Variants in MAGI1 observed in about 807,000 individuals in gnomAD.
MAGI1 encodes membrane associated guanylate kinase, WW and PDZ domain containing 1.
MAGI1 carries 58 observed loss-of-function variants against 139.9 expected under a neutral mutation model. That is an observed-to-expected ratio of 0.41 (90% CI 0.34 to 0.52). MAGI1 has a LOEUF of 0.52. Among genes scored for constraint, MAGI1 ranks in the 20% least tolerant of loss-of-function variants. The pLI, the probability that MAGI1 is intolerant of heterozygous loss-of-function variation, is 0.12. For synonymous variants in MAGI1, 812 were observed against 737.9 expected (o/e 1.10, Z -1.63); for missense variants, 1,874 against 1,901.6 (o/e 0.99, Z 0.27).
chr3:65,487,001 C>G (rs1431080480), intron 3 of MAGI1, among the ~76,000 whole-genome samples: 2 of 152,212 alleles, frequency 1.3e-5, no homozygotes, highest in Non-Finnish European at 2.9e-5. Context: ...ACAAATTCAG[C>G]TTTTCACATA....
intron 1 of MAGI1, among the ~76,000 whole-genome samples, chr3:65,877,307 A>G (rs574773923): frequency 6.6e-6 from 1 of 152,206 alleles, no homozygotes; most frequent in African/African-American, 2.4e-5. Flanking sequence ...ACAAGGTACA[A>G]CTCCCTCTTT....
chr3:65,574,208 G>A (rs57213374), intron 2 of MAGI1, among the ~76,000 whole-genome samples: 2,275 of 149,752 alleles, frequency 0.015, 47 homozygotes, highest in African/African-American at 0.047. Flanking sequence ...TTTAGGTTCC[G>A]GGATACATGT....
chr3:66,036,488 C>T (rs1281406789), intron 1 of MAGI1, among the ~76,000 whole-genome samples: 1 of 152,080 alleles, frequency 6.6e-6, no homozygotes, highest in African/African-American at 2.4e-5. Flanking sequence ...TTAAAGGAGC[C>T]CAAAGGAGGA....
intron 1 of MAGI1, among the ~76,000 whole-genome samples, chr3:65,839,009 CTG>C (rs1274718148): frequency 1.3e-5 from 2 of 152,206 alleles, no homozygotes. Flanking sequence ...TACTTGCCAT[CTG>C]TGTTGTCTTT....
chr3:65,503,788 G>T (rs990270347), intron 2 of MAGI1, among the ~76,000 whole-genome samples: 17 of 152,176 alleles, frequency 1.1e-4, no homozygotes, highest in African/African-American at 4.1e-4. Flanking sequence ...ATCTGATCTG[G>T]TTTTCATGAT....
chr3:65,787,781 G>A (rs1332662612), intron 1 of MAGI1, among the ~76,000 whole-genome samples: 1 of 152,024 alleles, frequency 6.6e-6, no homozygotes, highest in Non-Finnish European at 1.5e-5. Context: ...ACCGCTGAAT[G>A]TTAGGAGCCG....
intron 1 of MAGI1, among the ~76,000 whole-genome samples, chr3:65,796,733 G>T (rs1397293994): frequency 6.6e-6 from 1 of 152,044 alleles, no homozygotes; most frequent in Non-Finnish European, 1.5e-5. Context: ...CTATAATAAG[G>T]TGCCGATAGT....
intron 1 of MAGI1, among the ~76,000 whole-genome samples, chr3:65,656,891 G>C (rs1310451429): frequency 6.7e-6 from 1 of 149,508 alleles, no homozygotes; most frequent in African/African-American, 2.5e-5. Context: ...CCAGCTACTC[G>C]GGAGGCTGAG....
chr3:65,921,168 A>G (rs570316591), intron 1 of MAGI1, among the ~76,000 whole-genome samples: 57 of 152,290 alleles, frequency 3.7e-4, no homozygotes, highest in Non-Finnish European at 6.0e-4. Flanking sequence ...ATTTTAACCC[A>G]CTGCAGAATT....
At chr3:65,807,059 C>G (rs1019418478) in intron 1 of MAGI1, among the ~76,000 whole-genome samples, 3 of 152,220 alleles carry the variant, frequency 2.0e-5, no homozygotes, top group East Asian at 1.9e-4. Flanking sequence ...TAAGACCACC[C>G]TATGAGACAG....
In MAGI1 at chr3:65,356,745, T is replaced by G. The variant is rs1409473714; in HGVS notation, c.4022A>C (p.Glu1341Ala). 3.1e-6 allele frequency: 5 copies of G among 1,598,470 alleles called. No homozygotes were observed. The Admixed American group carries it at 6.9e-5, about 22-fold the overall frequency. The change falls in exon 23 of 23, where the codon GAG (glutamate) becomes GCG (alanine). Residue 1341 changes from glutamate (E) to alanine (A), a missense_variant. Glu to Ala is a moderately radical substitution (Grantham distance 107). Around this residue, in one of 5 missense-constraint regions of MAGI1, gnomAD observed 653 missense variants for 644.5 expected, o/e 1.01. Transcript: ENST00000402939. ...RSADNTLERR[E>A]KHEKRRDVSP... Reference sequence around the variant, plus strand: ...GACGTCTCGTCTCTTCTCGTGCTTCTCCCTCCTCTCCAAAGTGTTGTCGGC... The same window carrying G: ...GACGTCTCGTCTCTTCTCGTGCTTCGCCCTCCTCTCCAAAGTGTTGTCGGC...
At chr3:65,360,933 C>A (rs774884424) in intron 22 of MAGI1, 3 of 1,395,284 alleles carry the variant, frequency 2.2e-6, no homozygotes, top group African/African-American at 2.9e-5. Context: ...CGCTCTTGGT[C>A]GGACTAGACA....
chr3:65,486,481 A>T (rs1951644513), intron 3 of MAGI1, among the ~76,000 whole-genome samples: 1 of 151,576 alleles, frequency 6.6e-6, no homozygotes, highest in South Asian at 2.1e-4. Context: ...ATGTCAACAG[A>T]AAAAAAAAGA....
chr3:65,483,645 A>G (rs1236074792), intron 3 of MAGI1, among the ~76,000 whole-genome samples: 1 of 152,214 alleles, frequency 6.6e-6, no homozygotes, highest in East Asian at 1.9e-4. Flanking sequence ...GCGTTATCCA[A>G]CACACGTTTC....
intron 1 of MAGI1, among the ~76,000 whole-genome samples, chr3:65,997,894 C>G (rs1307857940): frequency 6.6e-6 from 1 of 151,960 alleles, no homozygotes; most frequent in African/African-American, 2.4e-5. Flanking sequence ...TGTGGTGGCT[C>G]CTGCCTGTAA....
intron 1 of MAGI1, among the ~76,000 whole-genome samples, chr3:65,797,120 C>T (rs1413425481): frequency 6.6e-6 from 1 of 152,156 alleles, no homozygotes; most frequent in Non-Finnish European, 1.5e-5. Flanking sequence ...TTGCTAGTCA[C>T]TTTTAAGTGT....
At chr3:65,928,995 A>G (rs264682) in intron 1 of MAGI1, among the ~76,000 whole-genome samples, 34,206 of 151,816 alleles carry the variant, frequency 0.23, 3,977 homozygotes, top group African/African-American at 0.27. Flanking sequence ...TTATTTAATG[A>G]AAAAAGCAGG....
chr3:65,978,482 G>C (rs1393615713), intron 1 of MAGI1, among the ~76,000 whole-genome samples: 1 of 152,064 alleles, frequency 6.6e-6, no homozygotes, highest in Non-Finnish European at 1.5e-5. Context: ...TAGCCTAGGT[G>C]GACTTCCTTT....
chr3:65,753,090 A>G (rs755631535), intron 1 of MAGI1, among the ~76,000 whole-genome samples: 8 of 152,186 alleles, frequency 5.3e-5, no homozygotes, highest in Non-Finnish European at 1.2e-4. Flanking sequence ...AAAGAGAAAT[A>G]GGGAAAGAAG....
Sources: gnomAD v4.1 joint callset for allele counts (sites outside exome capture counted in the v4.1 genomes callset) on GRCh38, gnomAD v4.1.1 for gene constraint, gnomAD v4.1.1 regional missense constraint, MANE v1.5 for transcripts, NCBI Gene and HGNC (gene_info 2026-07-23, HGNC 2026-07-21) for gene names.